HCN1: variants seen among roughly 807,000 people sequenced by gnomAD.
HCN1 encodes hyperpolarization activated cyclic nucleotide gated potassium channel 1.
In HCN1, 13 loss-of-function variants were observed where a neutral mutation model predicts 78.9. The ratio of observed to expected loss-of-function variants is 0.16; its 90% CI spans 0.11 to 0.26. HCN1 has a LOEUF of 0.26. Ranked by LOEUF, HCN1 falls within the 10% of genes least tolerant of loss-of-function variation. The pLI, the probability that HCN1 is intolerant of heterozygous loss-of-function variation, is 1.00. For missense variants in HCN1, 810 were observed against 1,154.3 expected, an observed-to-expected ratio of 0.70 and a Z score of 4.32; for synonymous variants, 552 against 455.5, an observed-to-expected ratio of 1.21 and a Z score of -2.70.
chr5:45,544,674 C>T (rs1404280027), intron 2 of HCN1, among the ~76,000 whole-genome samples: 1 of 141,448 alleles, frequency 7.1e-6, no homozygotes, highest in Non-Finnish European at 1.5e-5. Flanking sequence ...CTGTTCAATT[C>T]CCACCTATGA....
At chr5:45,455,910 A>C (rs764837977) in intron 3 of HCN1, among the ~76,000 whole-genome samples, 21 of 151,956 alleles carry the variant, frequency 1.4e-4, no homozygotes, top group Non-Finnish European at 2.7e-4. Flanking sequence ...GCAGCTAGAA[A>C]ATATGGAAAG....
At chr5:45,541,299 C>T (rs1242147299) in intron 2 of HCN1, among the ~76,000 whole-genome samples, 1 of 152,102 alleles carries the variant, frequency 6.6e-6, no homozygotes, top group Non-Finnish European at 1.5e-5. Context: ...TACATTATCA[C>T]CAGATCTCCA....
intron 2 of HCN1, among the ~76,000 whole-genome samples, chr5:45,546,836 T>C (rs892240596): frequency 6.6e-6 from 1 of 151,892 alleles, no homozygotes; most frequent in Non-Finnish European, 1.5e-5. Flanking sequence ...GCAGTTCAAT[T>C]CTTCAGAAAC....
At chr5:45,417,580 A>G (rs1296685788) in intron 3 of HCN1, among the ~76,000 whole-genome samples, 1 of 151,740 alleles carries the variant, frequency 6.6e-6, no homozygotes, top group Non-Finnish European at 1.5e-5. Flanking sequence ...CTTAATTGTG[A>G]TATCCAACAT....
intron 2 of HCN1, among the ~76,000 whole-genome samples, chr5:45,626,822 G>A (rs58102303): frequency 0.039 from 5,912 of 151,930 alleles, 414 homozygotes; most frequent in African/African-American, 0.13. Context: ...TTTGGAGGAC[G>A]CAGAGAGTTA....
intron 4 of HCN1, among the ~76,000 whole-genome samples, chr5:45,375,204 T>G (rs1269145476): frequency 1.7e-5 from 2 of 115,032 alleles, no homozygotes; most frequent in African/African-American, 7.0e-5. Context: ...AATATAATAT[T>G]TTATAATATA....
At chr5:45,447,481 G>C (rs1740823623) in intron 3 of HCN1, among the ~76,000 whole-genome samples, 1 of 152,154 alleles carries the variant, frequency 6.6e-6, no homozygotes, top group Non-Finnish European at 1.5e-5. Context: ...GAGCTCAAGT[G>C]ATCCTCCTGT....
Position 45,506,070 on chromosome 5 carries a change from G to A in HCN1, c.850-44063C>T, listed in dbSNP as rs191564619. On this transcript the variant is annotated intron_variant, in intron 2 of 7. Coordinates refer to ENST00000303230, the MANE Select transcript of HCN1 (RefSeq NM_021072.4). The stretch of plus-strand genomic sequence containing the variant: ...TGTTCACTAGAATGAAATAAAATCG[G>A]CATTTCTTCTTTATATTAGATAAAT... 1.2e-4 allele frequency among the ~76,000 whole-genome samples: 18 copies of A among 152,074 alleles called. No individual in the cohort carries two copies. The East Asian group carries it at 3.3e-3, about 28-fold the overall frequency.
intron 5 of HCN1, among the ~76,000 whole-genome samples, chr5:45,316,573 G>A (rs1340815161): frequency 6.6e-6 from 1 of 152,090 alleles, no homozygotes; most frequent in Non-Finnish European, 1.5e-5. Flanking sequence ...GGGCAATCAG[G>A]CAGGAGAAAG....
chr5:45,486,161 ATTC>A (rs761407424), intron 2 of HCN1, among the ~76,000 whole-genome samples: 1 of 152,150 alleles, frequency 6.6e-6, no homozygotes, highest in Non-Finnish European at 1.5e-5. Context: ...CATGTAAGAC[ATTC>A]TTCTTGTTGA....
intron 6 of HCN1, among the ~76,000 whole-genome samples, chr5:45,277,195 C>T (rs758028706): frequency 7.2e-5 from 11 of 152,220 alleles, no homozygotes; most frequent in Admixed American, 3.3e-4. Context: ...TAGTTAGCCT[C>T]TCTTTCTCCA....
chr5:45,483,863 T>C (rs1449407126), intron 2 of HCN1, among the ~76,000 whole-genome samples: 1 of 152,212 alleles, frequency 6.6e-6, no homozygotes, highest in African/African-American at 2.4e-5. Context: ...TAGCACTATA[T>C]ACTGAATGGG....
At position 45,631,351 on chromosome 5, in the gene HCN1, T is replaced by C. The variant is rs2580259; in HGVS notation, c.849+13834A>G. 7.3e-3 allele frequency among the ~76,000 whole-genome samples: 1,113 copies of C among 152,210 alleles called. 11 individuals carry two copies. Among genetic ancestry groups the C allele is most frequent in the African/African-American group, 0.026 (1,065 of 41,550 alleles). On this transcript the variant is annotated intron_variant, in intron 2 of 7. Coordinates refer to ENST00000303230, the MANE Select transcript of HCN1 (RefSeq NM_021072.4). ...TGAAATATATCACTTCTGAGTCTGATTGTTTAAAACCCTACAGAGCTATCT... is the reference window on the plus strand; with the variant it reads ...TGAAATATATCACTTCTGAGTCTGACTGTTTAAAACCCTACAGAGCTATCT...
intron 1 of HCN1, among the ~76,000 whole-genome samples, chr5:45,648,402 T>C (rs1402637994): frequency 3.3e-5 from 5 of 152,122 alleles, no homozygotes; most frequent in African/African-American, 4.8e-5. Flanking sequence ...CCATTAGATA[T>C]CTCAATACCA....
Position 45,325,735 on chromosome 5 carries a change from T to A in HCN1, c.1378-21896A>T, listed in dbSNP as rs1379350774. On this transcript the variant is annotated intron_variant, in intron 5 of 7. Coordinates refer to ENST00000303230, the MANE Select transcript of HCN1 (RefSeq NM_021072.4). ...ATTAAAAAATCTTTTGAACATTCATTCAAGGGTTGACTAGTAAGTTCAGCA... is the reference window on the plus strand; with the variant it reads ...ATTAAAAAATCTTTTGAACATTCATACAAGGGTTGACTAGTAAGTTCAGCA... Among the ~76,000 whole-genome samples the A allele has an allele frequency of 1.1e-4, 16 of 151,682 alleles. No homozygotes were observed. The Admixed American group carries it at 1.1e-3, about 10-fold the overall frequency.
intron 2 of HCN1, among the ~76,000 whole-genome samples, chr5:45,494,662 G>T (rs1184805817): frequency 1.3e-5 from 2 of 151,984 alleles, no homozygotes; most frequent in Non-Finnish European, 2.9e-5. Context: ...TTTTAGACAT[G>T]AAGTCCTTGC....
At chr5:45,495,938 C>T (rs1742017280) in intron 2 of HCN1, among the ~76,000 whole-genome samples, 1 of 152,120 alleles carries the variant, frequency 6.6e-6, no homozygotes, top group South Asian at 2.1e-4. Flanking sequence ...GCCTTGCATC[C>T]CAGGGATGAA....
intron 3 of HCN1, among the ~76,000 whole-genome samples, chr5:45,432,204 G>T (rs1181328633): frequency 6.6e-6 from 1 of 152,010 alleles, no homozygotes; most frequent in Non-Finnish European, 1.5e-5. Context: ...ACTTTGAATG[G>T]CATTGCTTTC....
intron 2 of HCN1, among the ~76,000 whole-genome samples, chr5:45,633,185 A>C (rs1446745648): frequency 6.6e-6 from 1 of 152,016 alleles, no homozygotes; most frequent in Non-Finnish European, 1.5e-5. Flanking sequence ...AACAACAAAA[A>C]AACCATTTAA....
Sources: gnomAD v4.1 joint callset for allele counts (sites outside exome capture counted in the v4.1 genomes callset) on GRCh38, gnomAD v4.1.1 for gene constraint, MANE v1.5 for transcripts, NCBI Gene and HGNC (gene_info 2026-07-23, HGNC 2026-07-21) for gene names.